RBFOX3: variants seen among roughly 807,000 people sequenced by gnomAD.
The protein encoded by RBFOX3 is RNA binding protein fox-1 homolog 3.
A neutral mutation model predicts 48.7 loss-of-function variants in RBFOX3; 17 were observed. The ratio of observed to expected loss-of-function variants is 0.35; its 90% CI spans 0.24 to 0.52. The LOEUF is 0.52. Ranked by LOEUF, RBFOX3 falls within the 20% of genes least tolerant of loss-of-function variation. RBFOX3 has a pLI of 0.94. For missense variants in RBFOX3, 382 were observed against 497.5 expected (o/e 0.77, Z 2.21); for synonymous variants, 212 against 209.5 (o/e 1.01, Z -0.10).
At chr17:79,527,418 A>AC (rs1191726313) in intron 1 of RBFOX3, among the ~76,000 whole-genome samples, 3 of 152,204 alleles carry the variant, frequency 2.0e-5, no homozygotes, top group African/African-American at 7.2e-5. Context: ...CTAAAAAAGA[A>AC]CCTGGGGGAG....
chr17:79,455,860 C>A (rs1231604781), intron 2 of RBFOX3, among the ~76,000 whole-genome samples: 3 of 152,202 alleles, frequency 2.0e-5, no homozygotes, highest in Non-Finnish European at 4.4e-5. Context: ...TGGCCTCCCC[C>A]GAGGGCCACC....
chr17:79,345,582 A>C (rs79118827), intron 2 of RBFOX3, among the ~76,000 whole-genome samples: 3 of 152,170 alleles, frequency 2.0e-5, no homozygotes, highest in Non-Finnish European at 4.4e-5. Context: ...GAGGTTAAAC[A>C]TCTCTTTTTA....
At chr17:79,280,345 G>A (rs1600388684) in intron 3 of RBFOX3, among the ~76,000 whole-genome samples, 2 of 152,028 alleles carry the variant, frequency 1.3e-5, no homozygotes, top group Admixed American at 1.3e-4. Flanking sequence ...CCATCAATGC[G>A]ACAAAAAGAA....
intron 1 of RBFOX3, among the ~76,000 whole-genome samples, chr17:79,546,007 C>A (rs1272173858): frequency 6.6e-6 from 1 of 152,254 alleles, no homozygotes; most frequent in African/African-American, 2.4e-5. Flanking sequence ...ACTGCACAAG[C>A]CATCATGCTA....
In RBFOX3 at chr17:79,214,481, G is replaced by GC. The variant is rs1170257723; in HGVS notation, c.-34+21284dup. On this transcript the variant is annotated intron_variant, in intron 4 of 14. Coordinates refer to ENST00000693108, the MANE Select transcript of RBFOX3 (RefSeq NM_001350451.2). This position sits in a 1 kb window ranked among gnomAD's most constrained non-coding sequence, Gnocchi z 4.7. ...TCAGTGTGACTGGGAGGACGCTGCT[G>GC]CCCACCCTGGCACCCAGGGAGGAGG... Among the ~76,000 whole-genome samples the GC allele has an allele frequency of 6.6e-6, 1 of 152,064 alleles. No individual in the cohort carries two copies. The highest frequency in any genetic ancestry group is 1.5e-5 in the Non-Finnish European group (1 of 67,990).
At chr17:79,109,700 G>A (rs559879197) in intron 5 of RBFOX3, among the ~76,000 whole-genome samples, 1 of 152,316 alleles carries the variant, frequency 6.6e-6, no homozygotes, top group African/African-American at 2.4e-5. Flanking sequence ...GGGTACAGGT[G>A]ACTGAGTCAT....
chr17:79,162,779 A>G (rs1351280778), intron 4 of RBFOX3, among the ~76,000 whole-genome samples: 1 of 152,052 alleles, frequency 6.6e-6, no homozygotes, highest in East Asian at 1.9e-4. Context: ...CGGCAGGTGA[A>G]GGAGGGGACG....
At chr17:79,318,705 A>G (rs1478435093) in intron 2 of RBFOX3, among the ~76,000 whole-genome samples, 1 of 151,836 alleles carries the variant, frequency 6.6e-6, no homozygotes, top group East Asian at 1.9e-4. Flanking sequence ...TTACAAAAAA[A>G]TTAGCTGAGT....
rs1219754972 is a variant in RBFOX3, at chr17:79,195,463, T to C, written c.-34+40303A>G. On this transcript the variant is annotated intron_variant, in intron 4 of 14. Transcript: ENST00000693108. The surrounding 1 kb of genome is among the most constrained non-coding windows in gnomAD (Gnocchi z 5.3). The stretch of plus-strand genomic sequence containing the variant: ...AAGCCAACTGGGTCTCTTCTTAGAG[T>C]AAGGCCGCACGCAAGTCTGTGTGGG... 6.6e-6 allele frequency among the ~76,000 whole-genome samples: 1 copy of C among 150,894 alleles called. No homozygotes were observed. The highest frequency in any genetic ancestry group is 1.5e-5 in the Non-Finnish European group (1 of 67,888).
chr17:79,215,279 C>T (rs1375270968), intron 4 of RBFOX3, among the ~76,000 whole-genome samples: 1 of 152,208 alleles, frequency 6.6e-6, no homozygotes, highest in African/African-American at 2.4e-5. Flanking sequence ...GCTGTAGGGG[C>T]AGGGAGGTCC....
intron 2 of RBFOX3, among the ~76,000 whole-genome samples, chr17:79,458,821 G>A (rs1001325404): frequency 8.5e-5 from 13 of 152,144 alleles, no homozygotes; most frequent in Admixed American, 8.5e-4. Context: ...AGGCCCAGCT[G>A]AGAAACAGCC....
At chr17:79,444,186 G>A (rs1215567032) in intron 2 of RBFOX3, among the ~76,000 whole-genome samples, 3 of 152,110 alleles carry the variant, frequency 2.0e-5, no homozygotes, top group Non-Finnish European at 2.9e-5. Flanking sequence ...GCCAAGGAGG[G>A]GGCTGCAGAC....
intron 14 of RBFOX3, 143 bp downstream of exon 14, chr17:79,094,304 CCTAA>C: frequency 1.8e-6 from 1 of 554,664 alleles, no homozygotes; most frequent in African/African-American, 2.0e-5. Context: ...CTCCCCTCAC[CCTAA>C]CTCACATCCA....
At chr17:79,630,958 G>A in the RBFOX3 span, among the ~76,000 whole-genome samples, 1 of 152,178 alleles carries the variant, frequency 6.6e-6, no homozygotes, top group Admixed American at 6.5e-5. Context: ...GCCCCACGAG[G>A]TGGAGGCCAC....
chr17:79,151,320 GC>G, intron 4 of RBFOX3, among the ~76,000 whole-genome samples: 1 of 149,286 alleles, frequency 6.7e-6, no homozygotes, highest in African/African-American at 2.5e-5. Context: ...CCCACGGGAC[GC>G]GTGGTCCCGA....
rs528508342 is a variant in RBFOX3, at chr17:79,414,958, C to T, written c.-175+67496G>A. Among the ~76,000 whole-genome samples, 23 of 152,320 alleles carry T rather than the reference C, an allele frequency of 1.5e-4. 1 individual carries two copies. In the South Asian group the frequency reaches 3.7e-3, roughly 25 times the overall value. ...TCCAGCTCCCGTTCCCAGAGGGCTCCTGAGCCTCTGAGGTCCCCAGCTGCC... is the reference window on the plus strand; with the variant it reads ...TCCAGCTCCCGTTCCCAGAGGGCTCTTGAGCCTCTGAGGTCCCCAGCTGCC... On this transcript the variant is annotated intron_variant, in intron 2 of 14. Transcript: ENST00000693108.
intron 1 of RBFOX3, among the ~76,000 whole-genome samples, chr17:79,562,082 A>T (rs1370596082): frequency 6.6e-6 from 1 of 152,258 alleles, no homozygotes; most frequent in African/African-American, 2.4e-5. Context: ...TACGTCTGTG[A>T]CATGCATTAG....
Position 79,506,174 on chromosome 17 carries a change from G to C in RBFOX3, c.-319-23576C>G, listed in dbSNP as rs200234119. Among the ~76,000 whole-genome samples the C allele has an allele frequency of 2.6e-5, 4 of 152,252 alleles. No individual in the cohort carries two copies. The East Asian group carries it at 7.7e-4, about 29-fold the overall frequency. ...ATCCCTGTGGACCTTGCTTCGCAAA[G>C]GGAATGCCCCCGGACATCTCCACTT... On this transcript the variant is annotated intron_variant, in intron 1 of 14. Transcript: ENST00000693108.
intron 1 of RBFOX3, among the ~76,000 whole-genome samples, chr17:79,595,758 T>G (rs2145201724): frequency 6.6e-6 from 1 of 152,338 alleles, no homozygotes; most frequent in East Asian, 1.9e-4. Context: ...GTGGCAGCCC[T>G]TGGCCCATGG....
Sources: gnomAD v4.1 joint callset for allele counts (sites outside exome capture counted in the v4.1 genomes callset) on GRCh38, gnomAD v4.1.1 for gene constraint, Gnocchi (gnomAD v3.1) non-coding constraint, MANE v1.5 for transcripts, NCBI Gene and HGNC (gene_info 2026-07-23, HGNC 2026-07-21) for gene names.